KCNH1: variants seen among roughly 807,000 people sequenced by gnomAD.
KCNH1 encodes voltage-gated delayed rectifier potassium channel KCNH1.
KCNH1 carries 27 observed loss-of-function variants against 69.2 expected under a neutral mutation model. That is an observed-to-expected ratio of 0.39 (90% CI 0.29 to 0.54). The LOEUF is 0.54. Ranked by LOEUF, KCNH1 falls within the 20% of genes least tolerant of loss-of-function variation. The pLI is 0.68. For missense variants in KCNH1, 798 were observed against 1,261.6 expected (o/e 0.63, Z 5.57); for synonymous variants, 456 against 487.7 (o/e 0.93, Z 0.86).
chr1:211,040,283 G>A (rs1689970341), intron 5 of KCNH1, among the ~76,000 whole-genome samples: 1 of 151,992 alleles, frequency 6.6e-6, no homozygotes. Context: ...GCCAGGAGCA[G>A]AATGATATGG....
rs531178336 is a variant in KCNH1, at chr1:210,883,958, T to C, written c.1462+35682A>G. Among the ~76,000 whole-genome samples the C allele has an allele frequency of 4.6e-5, 7 of 152,344 alleles. No homozygotes were observed. The East Asian group carries it at 9.6e-4, about 21-fold the overall frequency. ...ATCTGGTCTGAGGCAAACCTCTTCC[T>C]CCCAGCCCATGCTCTGGACAATGAT... On this transcript the variant is annotated intron_variant, in intron 7 of 10. Coordinates refer to ENST00000271751, the MANE Select transcript of KCNH1 (RefSeq NM_172362.3).
intron 6 of KCNH1, among the ~76,000 whole-genome samples, chr1:210,991,603 C>CCCCACACA (rs199993315): frequency 6.7e-6 from 1 of 148,306 alleles, no homozygotes; most frequent in Admixed American, 6.7e-5. Flanking sequence ...TCTGTTCTTG[C>CCCCACACA]CACACACACA....
At chr1:210,796,150 G>C (rs1178363918) in intron 9 of KCNH1, among the ~76,000 whole-genome samples, 1 of 85,692 alleles carries the variant, frequency 1.2e-5, no homozygotes, top group South Asian at 3.2e-4. Context: ...GCAAGATTCC[G>C]TCTCAAAAAA....
rs1227965972 is a variant in KCNH1, at chr1:210,776,884, G to T, written c.1916-1340C>A. ...AGCAACATTTTAACATATGTCAAAT[G>T]CAAAGCCTAATTCATTTCTGGCATA... On this transcript the variant is annotated intron_variant, in intron 9 of 10. Coordinates refer to ENST00000271751, the MANE Select transcript of KCNH1 (RefSeq NM_172362.3). Among the ~76,000 whole-genome samples, 3 of 152,146 alleles carry T rather than the reference G, an allele frequency of 2.0e-5. No homozygotes were observed. The South Asian group carries it at 6.2e-4, about 32-fold the overall frequency.
chr1:210,827,547 CTTTATA>C (rs1685058246), intron 7 of KCNH1, among the ~76,000 whole-genome samples: 1 of 152,078 alleles, frequency 6.6e-6, no homozygotes, highest in Admixed American at 6.6e-5. Context: ...TATTTTAATA[CTTTATA>C]TTTATTGATT....
intron 6 of KCNH1, among the ~76,000 whole-genome samples, chr1:210,928,162 A>C (rs1020773060): frequency 3.9e-5 from 6 of 152,332 alleles, no homozygotes; most frequent in African/African-American, 1.2e-4. Flanking sequence ...ATCAAGACAG[A>C]AAGTCAACAA....
chr1:211,017,172 C>A (rs2102412734), intron 6 of KCNH1, among the ~76,000 whole-genome samples: 1 of 152,230 alleles, frequency 6.6e-6, no homozygotes, highest in South Asian at 2.1e-4. Context: ...ACATTGGCAG[C>A]ATTTTGTAGG....
intron 10 of KCNH1, among the ~76,000 whole-genome samples, chr1:210,693,509 T>C (rs889424933): frequency 6.6e-6 from 1 of 152,076 alleles, no homozygotes; most frequent in Non-Finnish European, 1.5e-5. Context: ...ATCACAGATA[T>C]GGAGGGGATG....
chr1:210,742,812 C>T (rs916924461), intron 10 of KCNH1, among the ~76,000 whole-genome samples: 10 of 152,044 alleles, frequency 6.6e-5, no homozygotes, highest in African/African-American at 1.9e-4. Context: ...ATGCAAGTTA[C>T]GAACGAGGAG....
At chr1:211,078,649 G>A (rs551446533) in intron 5 of KCNH1, among the ~76,000 whole-genome samples, 1 of 152,230 alleles carries the variant, frequency 6.6e-6, no homozygotes, top group Non-Finnish European at 1.5e-5. Context: ...AGCACTAAAT[G>A]CCCACAAGAG....
chr1:210,961,887 G>T, intron 6 of KCNH1, among the ~76,000 whole-genome samples: 1 of 151,926 alleles, frequency 6.6e-6, no homozygotes. Flanking sequence ...TTGTTTTAAT[G>T]CCTTGTCTGA....
chr1:210,968,093 C>T (rs1688443181), intron 6 of KCNH1, among the ~76,000 whole-genome samples: 1 of 151,702 alleles, frequency 6.6e-6, no homozygotes, highest in Non-Finnish European at 1.5e-5. Context: ...GTTCAGTTCC[C>T]ACCTATGAGT....
At chr1:211,096,074 T>C (rs888012440) in intron 3 of KCNH1, among the ~76,000 whole-genome samples, 2 of 152,054 alleles carry the variant, frequency 1.3e-5, no homozygotes, top group Non-Finnish European at 2.9e-5. Flanking sequence ...TTTATTTATT[T>C]ATTTTTTGAG....
intron 4 of KCNH1, among the ~76,000 whole-genome samples, chr1:211,089,100 T>C (rs1691007215): frequency 6.6e-6 from 1 of 152,182 alleles, no homozygotes; most frequent in South Asian, 2.1e-4. Flanking sequence ...AACATTTTGA[T>C]TCAACCAAAT....
At chr1:210,792,073 C>T (rs978739980) in intron 9 of KCNH1, among the ~76,000 whole-genome samples, 3 of 152,146 alleles carry the variant, frequency 2.0e-5, no homozygotes, top group African/African-American at 7.2e-5. Flanking sequence ...TTCCCATCTT[C>T]TTTCCTCCTC....
chr1:211,076,322 C>T (rs553699376), intron 5 of KCNH1, among the ~76,000 whole-genome samples: 194 of 152,346 alleles, frequency 1.3e-3, no homozygotes, highest in African/African-American at 4.4e-3. Context: ...CTTGGAGACA[C>T]CTCCCAGTAG....
intron 7 of KCNH1, among the ~76,000 whole-genome samples, chr1:210,807,301 G>A (rs1684604602): frequency 6.6e-6 from 1 of 151,866 alleles, no homozygotes; most frequent in Admixed American, 6.6e-5. Context: ...TTATAATTAT[G>A]TCATTTTAAG....
chr1:210,991,701 T>A (rs777317588), intron 6 of KCNH1, among the ~76,000 whole-genome samples: 1 of 152,002 alleles, frequency 6.6e-6, no homozygotes, highest in Non-Finnish European at 1.5e-5. Context: ...GATTTAATCA[T>A]CCCACAATGA....
chr1:210,968,826 C>T (rs1037770210), intron 6 of KCNH1, among the ~76,000 whole-genome samples: 2 of 152,024 alleles, frequency 1.3e-5, no homozygotes, highest in African/African-American at 2.4e-5. Context: ...GTTGCCTGTT[C>T]ACTCTGATGG....
Sources: gnomAD v4.1 joint callset for allele counts (sites outside exome capture counted in the v4.1 genomes callset) on GRCh38, gnomAD v4.1.1 for gene constraint, MANE v1.5 for transcripts, NCBI Gene and HGNC (gene_info 2026-07-23, HGNC 2026-07-21) for gene names.